Variants in ITGBL1 observed in about 807,000 individuals in gnomAD.
ITGBL1 encodes the protein integrin beta-like protein 1.
In ITGBL1, 51 loss-of-function variants were observed where a neutral mutation model predicts 68.5. That is an observed-to-expected ratio of 0.74 (90% CI 0.59 to 0.94). The LOEUF (loss-of-function observed/expected upper bound fraction) is 0.94. Among genes scored for constraint, ITGBL1 ranks in the 40% least tolerant of loss-of-function variants. ITGBL1 has a pLI of 0.00. For missense variants in ITGBL1, 649 were observed against 647.4 expected, an observed-to-expected ratio of 1.00 and a Z score of -0.03; for synonymous variants, 209 against 227.3, an observed-to-expected ratio of 0.92 and a Z score of 0.72.
At chr13:101,539,380 A>G (rs1451539358) in intron 2 of ITGBL1, among the ~76,000 whole-genome samples, 1 of 151,762 alleles carries the variant, frequency 6.6e-6, no homozygotes, top group African/African-American at 2.4e-5. Flanking sequence ...AAGGACATGA[A>G]CTCATCATTT....
intron 6 of ITGBL1, among the ~76,000 whole-genome samples, chr13:101,597,826 A>G (rs2030078937): frequency 6.6e-6 from 1 of 152,090 alleles, no homozygotes. Flanking sequence ...TGCTGGGATT[A>G]TAGACATGAG....
chr13:101,506,764 G>A (rs2049033163), intron 2 of ITGBL1, among the ~76,000 whole-genome samples: 1 of 152,060 alleles, frequency 6.6e-6, no homozygotes, highest in Non-Finnish European at 1.5e-5. Context: ...CCTTTGACTT[G>A]TGTGACATGT....
intron 7 of ITGBL1, among the ~76,000 whole-genome samples, chr13:101,608,589 A>G (rs1337966827): frequency 2.6e-5 from 4 of 152,056 alleles, no homozygotes; most frequent in African/African-American, 7.2e-5. Context: ...TTAACTAACC[A>G]TCTTATCATA....
At chr13:101,622,581 G>A (rs1355443062) in intron 7 of ITGBL1, among the ~76,000 whole-genome samples, 7 of 152,136 alleles carry the variant, frequency 4.6e-5, no homozygotes, top group Admixed American at 1.3e-4. Flanking sequence ...CATGAGTAGT[G>A]TTGATTTTCT....
intron 6 of ITGBL1, among the ~76,000 whole-genome samples, chr13:101,595,478 T>C (rs182599452): frequency 1.3e-5 from 2 of 151,672 alleles, no homozygotes; most frequent in East Asian, 3.9e-4. Context: ...GTTGAAACTA[T>C]ATCTAACTCA....
chr13:101,557,883 G>A (rs1489171870), intron 2 of ITGBL1, among the ~76,000 whole-genome samples: 1 of 151,950 alleles, frequency 6.6e-6, no homozygotes, highest in African/African-American at 2.4e-5. Context: ...GAGGTCAGGA[G>A]ATTGAGACCA....
intron 2 of ITGBL1, among the ~76,000 whole-genome samples, chr13:101,509,107 T>C (rs9557682): frequency 0.25 from 38,627 of 152,082 alleles, 5,165 homozygotes; most frequent in East Asian, 0.49. Context: ...AATGGACTTA[T>C]AGTTCCGCAT....
intron 2 of ITGBL1, among the ~76,000 whole-genome samples, chr13:101,525,773 T>C (rs1351665052): frequency 6.6e-6 from 1 of 152,034 alleles, no homozygotes; most frequent in Admixed American, 6.6e-5. Flanking sequence ...AACATTAGAG[T>C]ATTACAGTTA....
At chr13:101,609,156 A>G (rs1329198257) in intron 7 of ITGBL1, among the ~76,000 whole-genome samples, 1 of 151,974 alleles carries the variant, frequency 6.6e-6, no homozygotes, top group East Asian at 1.9e-4. Flanking sequence ...CTTTCTTTAT[A>G]CTCATTATGA....
chr13:101,704,437 A>G (rs1287405845), intron 8 of ITGBL1, among the ~76,000 whole-genome samples: 2 of 147,056 alleles, frequency 1.4e-5, no homozygotes, highest in Non-Finnish European at 3.0e-5. Context: ...ATTAAAAAAG[A>G]TGATTAAAGA....
intron 7 of ITGBL1, among the ~76,000 whole-genome samples, chr13:101,651,446 T>G (rs538475391): frequency 6.6e-6 from 1 of 152,362 alleles, no homozygotes; most frequent in South Asian, 2.1e-4. Context: ...TTTCGTATAT[T>G]TGTTGGTCGC....
intron 3 of ITGBL1, among the ~76,000 whole-genome samples, chr13:101,571,526 G>C (rs532158180): frequency 3.4e-4 from 52 of 151,816 alleles, no homozygotes; most frequent in Non-Finnish European, 6.3e-4. Context: ...ATAATGTATA[G>C]TACACTAACA....
chr13:101,481,132 G>A (rs2048617289), intron 2 of ITGBL1, among the ~76,000 whole-genome samples: 1 of 144,022 alleles, frequency 6.9e-6, no homozygotes, highest in Non-Finnish European at 1.5e-5. Context: ...ATATACACAT[G>A]TGCATATATA....
intron 7 of ITGBL1, among the ~76,000 whole-genome samples, chr13:101,681,269 G>A (rs974428469): frequency 3.8e-4 from 58 of 152,198 alleles, no homozygotes; most frequent in African/African-American, 1.3e-3. Flanking sequence ...AAACGTATGT[G>A]TATGTGTGTG....
At chr13:101,554,572 C>T (rs996877833) in intron 2 of ITGBL1, among the ~76,000 whole-genome samples, 4 of 152,176 alleles carry the variant, frequency 2.6e-5, no homozygotes, top group Admixed American at 6.5e-5. Context: ...AGCCATGCTG[C>T]GTCTGTGGAA....
chr13:101,684,553 A>G (rs948519757), intron 7 of ITGBL1, among the ~76,000 whole-genome samples: 9 of 151,952 alleles, frequency 5.9e-5, no homozygotes, highest in African/African-American at 1.9e-4. Context: ...ATTTTTGTAT[A>G]TATGTTTGCT....
At chr13:101,493,041 G>A (rs1456856481) in intron 2 of ITGBL1, among the ~76,000 whole-genome samples, 3 of 152,134 alleles carry the variant, frequency 2.0e-5, no homozygotes, top group African/African-American at 7.2e-5. Flanking sequence ...AGTTTATTGT[G>A]TAGATAAATC....
At chr13:101,534,886 A>G (rs778390443) in intron 2 of ITGBL1, among the ~76,000 whole-genome samples, 3 of 152,116 alleles carry the variant, frequency 2.0e-5, no homozygotes, top group African/African-American at 7.2e-5. Flanking sequence ...GAGATTGTGA[A>G]ATTAACCCAG....
intron 3 of ITGBL1, among the ~76,000 whole-genome samples, chr13:101,574,731 G>T (rs534252567): frequency 6.6e-6 from 1 of 152,144 alleles, no homozygotes; most frequent in Non-Finnish European, 1.5e-5. Flanking sequence ...TTTGGGGGAT[G>T]TGGTAGAATC....
Sources: allele counts gnomAD v4.1 joint callset (sites outside exome capture counted in the v4.1 genomes callset), GRCh38; gene constraint gnomAD v4.1.1; transcripts MANE v1.5; gene names NCBI Gene and HGNC (gene_info 2026-07-23, HGNC 2026-07-21).